The following PDE4B variants were observed in gnomAD, a reference collection of about 807,000 sequenced individuals.
PDE4B encodes the protein phosphodiesterase 4B.
Under a neutral mutation model 82.2 loss-of-function variants are expected in PDE4B, and 20 were observed. That is an observed-to-expected ratio of 0.24 (90% CI 0.17 to 0.35). The LOEUF (loss-of-function observed/expected upper bound fraction) is 0.35, where lower values mean the gene tolerates loss of function less well. Among genes scored for constraint, PDE4B ranks in the 10% least tolerant of loss-of-function variants. The pLI, the probability that PDE4B is intolerant of heterozygous loss-of-function variation, is 1.00. For synonymous variants in PDE4B, 320 were observed against 318.9 expected (o/e 1.00, Z -0.04); for missense variants, 655 against 907.2 (o/e 0.72, Z 3.57).
At chr1:66,363,300 T>C (rs994963526) in intron 11 of PDE4B, 34 bp downstream of exon 11, 5 of 1,554,766 alleles carry the variant, frequency 3.2e-6, no homozygotes, top group Admixed American at 1.8e-5. Flanking sequence ...GGCTTTCCAA[T>C]TGGATGGCTC....
chr1:66,151,527 T>C (rs1646393962), intron 3 of PDE4B, among the ~76,000 whole-genome samples: 1 of 152,220 alleles, frequency 6.6e-6, no homozygotes, highest in Non-Finnish European at 1.5e-5. Flanking sequence ...GCTGCTCTTA[T>C]TTCATGACTT....
rs767717985 is a variant in PDE4B, at chr1:66,247,499, A to C, written c.321A>C (p.Pro107=). 1 of 1,602,308 alleles carries C rather than the reference A, an allele frequency of 6.2e-7. No homozygotes were observed. The highest frequency in any genetic ancestry group is 8.5e-7 in the Non-Finnish European group (1 of 1,175,540). Residue 107 remains proline, a synonymous_variant, in exon 4 of 17, where the codon CCA becomes CCC. Coordinates refer to ENST00000341517, the MANE Select transcript of PDE4B (RefSeq NM_002600.4). ...VENGPSPGRS[P]LDPQASSSAG... ...ATGGCCCTTCCCCAGGTCGGAGTCC[A>C]CTGGATCCCCAGGCCAGCTCTTCCG...
chr1:66,194,326 G>A (rs541100945), intron 3 of PDE4B, among the ~76,000 whole-genome samples: 16 of 152,166 alleles, frequency 1.1e-4, no homozygotes, highest in South Asian at 2.1e-4. Context: ...TATTATACTC[G>A]ATGAATTGCT....
intron 3 of PDE4B, among the ~76,000 whole-genome samples, chr1:66,005,319 T>C (rs188500776): frequency 4.4e-4 from 67 of 152,146 alleles, no homozygotes; most frequent in Middle Eastern, 3.4e-3. Context: ...AGAAAGATAA[T>C]AACAAGCTCA....
At chr1:66,025,163 A>G (rs1653366904) in intron 3 of PDE4B, among the ~76,000 whole-genome samples, 2 of 152,122 alleles carry the variant, frequency 1.3e-5, no homozygotes. Context: ...ATATGGTAGC[A>G]TTTAAGATTT....
At chr1:65,865,652 T>C (rs897935195) in intron 1 of PDE4B, among the ~76,000 whole-genome samples, 15 of 152,192 alleles carry the variant, frequency 9.9e-5, no homozygotes, top group Non-Finnish European at 1.9e-4. Flanking sequence ...CCTGGCTGTT[T>C]GCATTTCCCA....
At chr1:65,882,865 T>C (rs1184570855) in intron 1 of PDE4B, among the ~76,000 whole-genome samples, 1 of 152,188 alleles carries the variant, frequency 6.6e-6, no homozygotes, top group African/African-American at 2.4e-5. Context: ...TGAATTTTAG[T>C]AGGAGATGTT....
At chr1:65,827,185 A>G (rs1234160099) in intron 1 of PDE4B, among the ~76,000 whole-genome samples, 1 of 152,144 alleles carries the variant, frequency 6.6e-6, no homozygotes, top group African/African-American at 2.4e-5. Flanking sequence ...ATCGTCAAGC[A>G]TTAAAAAACA....
At chr1:66,155,615 A>G (rs1336818564) in intron 3 of PDE4B, among the ~76,000 whole-genome samples, 2 of 151,384 alleles carry the variant, frequency 1.3e-5, no homozygotes, top group African/African-American at 4.8e-5. Flanking sequence ...ACATATTTAT[A>G]TATACATGTG....
intron 3 of PDE4B, among the ~76,000 whole-genome samples, chr1:65,979,007 TATC>T (rs374920686): frequency 1.3e-5 from 2 of 152,208 alleles, no homozygotes; most frequent in South Asian, 2.1e-4. Context: ...TAGTTTTTAC[TATC>T]ATCATCATCA....
intron 1 of PDE4B, among the ~76,000 whole-genome samples, chr1:65,908,260 T>C (rs1647049528): frequency 6.6e-6 from 1 of 152,178 alleles, no homozygotes; most frequent in Non-Finnish European, 1.5e-5. Context: ...CTACCAGTGA[T>C]TTCCATTGTC....
chr1:66,168,423 G>A (rs1379403702), intron 3 of PDE4B, among the ~76,000 whole-genome samples: 11 of 152,206 alleles, frequency 7.2e-5, no homozygotes, highest in Admixed American at 7.2e-4. Flanking sequence ...GGTGACATTT[G>A]AACAAGGACT....
At chr1:66,080,967 A>G (rs12063046) in intron 3 of PDE4B, among the ~76,000 whole-genome samples, 13,635 of 152,060 alleles carry the variant, frequency 0.09, 1,188 homozygotes, top group East Asian at 0.26. Context: ...TGTGTATCCA[A>G]TATTTAGCTC....
intron 3 of PDE4B, among the ~76,000 whole-genome samples, chr1:65,939,771 G>C (rs1320139250): frequency 1.3e-5 from 2 of 152,116 alleles, no homozygotes; most frequent in East Asian, 1.9e-4. Flanking sequence ...TTTGTAGACT[G>C]TCTGAGCTAG....
chr1:66,106,486 C>T (rs1460276510), intron 3 of PDE4B, among the ~76,000 whole-genome samples: 4 of 151,628 alleles, frequency 2.6e-5, no homozygotes, highest in African/African-American at 7.3e-5. Context: ...TCTTTTTCTA[C>T]TGATTTGAAT....
intron 3 of PDE4B, among the ~76,000 whole-genome samples, chr1:66,107,813 C>A (rs1294846079): frequency 2.0e-5 from 3 of 151,784 alleles, no homozygotes; most frequent in African/African-American, 7.3e-5. Context: ...GTTGTGTAAG[C>A]CTCAACTCAA....
At chr1:65,869,472 G>C (rs1473555858) in intron 1 of PDE4B, among the ~76,000 whole-genome samples, 1 of 152,206 alleles carries the variant, frequency 6.6e-6, no homozygotes, top group East Asian at 1.9e-4. Flanking sequence ...ATGTATCAGT[G>C]TGTGTGTATT....
intron 3 of PDE4B, among the ~76,000 whole-genome samples, chr1:66,057,873 C>T (rs1207255423): frequency 6.6e-6 from 1 of 152,130 alleles, no homozygotes; most frequent in Non-Finnish European, 1.5e-5. Flanking sequence ...CCTGGCCCTT[C>T]CCAAATCTCA....
chr1:66,363,611 C>A, intron 12 of PDE4B, 40 bp downstream of exon 12: 1 of 1,540,236 alleles, frequency 6.5e-7, no homozygotes, highest in African/African-American at 1.4e-5. Context: ...TGCCCATCCT[C>A]CTTCAAAAAT....
Sources: allele counts gnomAD v4.1 joint callset (sites outside exome capture counted in the v4.1 genomes callset), GRCh38; gene constraint gnomAD v4.1.1; transcripts MANE v1.5; gene names NCBI Gene and HGNC (gene_info 2026-07-23, HGNC 2026-07-21).